Variants in ADAP1 observed in about 807,000 individuals in gnomAD.
ADAP1 encodes arf-GAP with dual PH domain-containing protein 1.
A neutral mutation model predicts 54.9 loss-of-function variants in ADAP1; 31 were observed. The observed-to-expected ratio is 0.56, with a 90% CI of 0.42 to 0.76. ADAP1 has a LOEUF of 0.76. ADAP1 is among the 30% of genes least tolerant of loss of function. The pLI is 0.00. For synonymous variants in ADAP1, 313 were observed against 202.6 expected (o/e 1.55, Z -4.63); for missense variants, 535 against 512.4 (o/e 1.04, Z -0.42).
intron 6 of ADAP1, 116 bp downstream of exon 6, chr7:904,010 G>T: frequency 7.2e-7 from 1 of 1,380,994 alleles, no homozygotes; most frequent in Non-Finnish European, 9.7e-7. Flanking sequence ...TTCTCATGCC[G>T]CCTAGCTCAA....
intron 4 of ADAP1, among the ~76,000 whole-genome samples, chr7:909,430 T>A (rs11984234): frequency 0.094 from 8,894 of 94,456 alleles, 1,158 homozygotes; most frequent in African/African-American, 0.18. Context: ...GGAACCCCGG[T>A]CCTCCCGACA....
intron 4 of ADAP1, among the ~76,000 whole-genome samples, chr7:905,886 A>AGGGAGAAGGGAGAAGGGAGAAGGG (rs1562913166): frequency 1.0e-4 from 1 of 9,994 alleles, no homozygotes; most frequent in Admixed American, 5.8e-4. Context: ...AGAAAGGAGA[A>AGGGAGAAGGGAGAAGGGAGAAGGG]AGGAGAAAGG....
intron 4 of ADAP1, among the ~76,000 whole-genome samples, chr7:915,452 G>A (rs1008772051): frequency 1.3e-5 from 2 of 152,222 alleles, no homozygotes; most frequent in South Asian, 2.1e-4. Flanking sequence ...TATGAGAAGC[G>A]GCCATTCACT....
At position 898,417 on chromosome 7, in the gene ADAP1, C is replaced by T. The variant is rs988838683; in HGVS notation, c.*504G>A. Reference sequence around the variant, plus strand: ...GTGTGGATAATCCACCCAAACACCCCACGGCCCTCATAGCCCCGTGACACA... The same window carrying T: ...GTGTGGATAATCCACCCAAACACCCTACGGCCCTCATAGCCCCGTGACACA... On this transcript the variant is annotated 3_prime_UTR_variant, in exon 11 of 11. Transcript: ENST00000265846. The T allele has an allele frequency of 1.1e-4, 23 of 203,872 alleles. No homozygotes were observed. Among genetic ancestry groups the T allele is most frequent in the Non-Finnish European group, 2.1e-4 (21 of 98,838 alleles). 12.6% of individuals were successfully genotyped at this position (203,872 alleles called of 1,614,324 possible).
chr7:950,856 CAAAAAA>C (rs34720533), intron 1 of ADAP1, among the ~76,000 whole-genome samples: 3 of 84,978 alleles, frequency 3.5e-5, no homozygotes, highest in African/African-American at 9.5e-5. Context: ...GACTCCGTCT[CAAAAAA>C]AAAAAAAAAA....
At chr7:919,626 AAG>A (rs1043631413) in intron 4 of ADAP1, among the ~76,000 whole-genome samples, 2 of 133,962 alleles carry the variant, frequency 1.5e-5, no homozygotes, top group Non-Finnish European at 3.2e-5. Flanking sequence ...GACAGACATG[AAG>A]AGAGAGTAAG....
intron 8 of ADAP1, 148 bp from the exon 9 acceptor site, chr7:899,638 G>A (rs371466387): frequency 3.7e-5 from 32 of 864,432 alleles, no homozygotes; most frequent in East Asian, 1.3e-4. Flanking sequence ...CACGCCCCAC[G>A]AGGCCTCCGC....
At chr7:900,882 AAGGGCC>A in intron 6 of ADAP1, 1 of 370,256 alleles carries the variant, frequency 2.7e-6, no homozygotes, top group Non-Finnish European at 4.9e-6. Flanking sequence ...CGAAGGGCCG[AAGGGCC>A]GGGCCGGGCC....
chr7:953,912 G>T (rs1847326221), intron 1 of ADAP1, among the ~76,000 whole-genome samples: 3 of 152,230 alleles, frequency 2.0e-5, no homozygotes, highest in South Asian at 2.1e-4. Flanking sequence ...CAGGGGCGCC[G>T]CTCACACCCA....
At chr7:904,381 G>A in intron 5 of ADAP1, 109 bp from the exon 6 acceptor site, 1 of 1,410,964 alleles carries the variant, frequency 7.1e-7, no homozygotes, top group East Asian at 2.5e-5. Flanking sequence ...GTGCTGTGTG[G>A]CTTTGGGCAA....
chr7:944,506 G>A (rs1259148567), intron 1 of ADAP1, among the ~76,000 whole-genome samples: 3 of 151,904 alleles, frequency 2.0e-5, no homozygotes, highest in Non-Finnish European at 2.9e-5. Flanking sequence ...CGCCCACCTC[G>A]GCCTCCCAGA....
intron 4 of ADAP1, among the ~76,000 whole-genome samples, chr7:908,083 C>T (rs776828868): frequency 3.3e-5 from 5 of 152,184 alleles, no homozygotes; most frequent in Non-Finnish European, 5.9e-5. Context: ...TCCTGCTGGC[C>T]ATGTGGCCTG....
At chr7:909,905 C>T (rs1845650830) in intron 4 of ADAP1, among the ~76,000 whole-genome samples, 1 of 152,244 alleles carries the variant, frequency 6.6e-6, no homozygotes. Flanking sequence ...GCCGGTCCCA[C>T]TGTGTGCCAG....
At chr7:929,543 A>G (rs955257083) in intron 2 of ADAP1, among the ~76,000 whole-genome samples, 4 of 149,822 alleles carry the variant, frequency 2.7e-5, no homozygotes, top group Admixed American at 2.0e-4. Context: ...AAACAAGACC[A>G]CGTATTGCAT....
chr7:906,732 GGGGA>G (rs1845442898), intron 4 of ADAP1, among the ~76,000 whole-genome samples: 1 of 34,530 alleles, frequency 2.9e-5, no homozygotes, highest in Non-Finnish European at 6.2e-5. Context: ...ACGGGACATG[GGGGA>G]CAGAGTACAT....
At chr7:923,781 C>T (rs1846272220) in intron 3 of ADAP1, among the ~76,000 whole-genome samples, 1 of 152,170 alleles carries the variant, frequency 6.6e-6, no homozygotes, top group Non-Finnish European at 1.5e-5. Flanking sequence ...TGCGAAGACG[C>T]CACCCGGACA....
At chr7:899,539 T>TAC (rs1172474554) in intron 8 of ADAP1, 49 bp from the exon 9 acceptor site, 2 of 1,584,426 alleles carry the variant, frequency 1.3e-6, no homozygotes, top group Non-Finnish European at 1.7e-6. Flanking sequence ...AGGCAGGCCC[T>TAC]ACATCCAGCT....
chr7:915,916 C>T (rs1489680579), intron 4 of ADAP1, among the ~76,000 whole-genome samples: 5 of 146,334 alleles, frequency 3.4e-5, no homozygotes, highest in East Asian at 2.4e-4. Context: ...CCAGAACCCG[C>T]GCCCACTTTC....
intron 2 of ADAP1, among the ~76,000 whole-genome samples, chr7:932,617 T>C (rs1404256922): frequency 6.6e-6 from 1 of 152,086 alleles, no homozygotes; most frequent in Non-Finnish European, 1.5e-5. Context: ...GCCCATTTTT[T>C]AGGGAAGGAA....
Sources: gnomAD v4.1 joint callset for allele counts (sites outside exome capture counted in the v4.1 genomes callset) on GRCh38, gnomAD v4.1.1 for gene constraint, MANE v1.5 for transcripts, NCBI Gene and HGNC (gene_info 2026-07-23, HGNC 2026-07-21) for gene names.